CROCC2: variants seen among roughly 807,000 people sequenced by gnomAD.
The protein encoded by CROCC2 is ciliary rootlet coiled-coil, rootletin family member 2.
CROCC2 carries 163 observed loss-of-function variants against 177.6 expected under a neutral mutation model. The ratio of observed to expected loss-of-function variants is 0.92; its 90% CI spans 0.81 to 1.05. The LOEUF is 1.05. CROCC2 is among the 50% of genes least tolerant of loss of function. The probability of loss-of-function intolerance (pLI) is 0.00; values close to 1 mark genes in which losing one functional copy is unlikely to be tolerated. For missense variants in CROCC2, 1,929 were observed against 1,797.8 expected (o/e 1.07, Z -1.32); for synonymous variants, 904 against 787.3 (o/e 1.15, Z -2.48).
chr2:240,958,054 C>A lies in CROCC2; in HGVS notation c.2944-1247C>A, dbSNP rs1424810405. ...CTCGGTACCAGGCCTGCCAGCCAGC[C>A]GGCCTTCCTGGGGAGCTCGTTAAGG... On this transcript the variant is annotated intron_variant, in intron 19 of 31. Coordinates refer to ENST00000690015, the MANE Select transcript of CROCC2 (RefSeq NM_001351305.2). This position sits in a 1 kb window ranked among gnomAD's most constrained non-coding sequence, Gnocchi z 6.7. The A allele has an allele frequency of 1.0e-6, 1 of 985,246 alleles. No homozygotes were observed. Among genetic ancestry groups the A allele is most frequent in the African/African-American group, 1.7e-5 (1 of 57,230 alleles). 61.0% of individuals were successfully genotyped at this position (985,246 alleles called of 1,614,324 possible). A position where few individuals can be genotyped will look rare whatever the true frequency, so the allele number is the denominator to read the frequency against.
At chr2:240,939,527 C>T (rs2106464953) in intron 14 of CROCC2, among the ~76,000 whole-genome samples, 1 of 152,116 alleles carries the variant, frequency 6.6e-6, no homozygotes, top group African/African-American at 2.4e-5. Context: ...GTCTCTCTTC[C>T]TCTGTTTCCT....
intron 22 of CROCC2, 146 bp downstream of exon 22, chr2:240,964,771 G>C: frequency 9.6e-7 from 1 of 1,042,710 alleles, no homozygotes; most frequent in Non-Finnish European, 1.4e-6. Flanking sequence ...CCCTGCTCAG[G>C]CTCACAGGGT....
At position 240,923,269 on chromosome 2, in the gene CROCC2, C is replaced by T. The variant is rs868024996; in HGVS notation, c.488+624C>T. ...GAGAGTGGCGGAGAGGGACAGAGCC[C>T]CCCCCGCCACCGCTGTCAGTGAGCA... is the stretch of plus-strand genomic sequence containing the variant. On this transcript the variant is annotated intron_variant, in intron 4 of 31. Transcript: ENST00000690015. Among the ~76,000 whole-genome samples the T allele has an allele frequency of 5.2e-3, 793 of 151,886 alleles. 5 individuals are homozygous for T. The highest frequency in any genetic ancestry group is 0.018 in the African/African-American group (742 of 41,388).
intron 14 of CROCC2, 53 bp downstream of exon 14, chr2:240,935,641 A>T: frequency 7.6e-7 from 1 of 1,315,890 alleles, no homozygotes; most frequent in Non-Finnish European, 9.9e-7. Flanking sequence ...GCTGGGTGGC[A>T]GGTCTTGCCT....
At position 240,948,958 on chromosome 2, in the gene CROCC2, T is replaced by C. The variant is rs983413383; in HGVS notation, c.2364-21T>C. The C allele has an allele frequency of 1.9e-5, 30 of 1,549,914 alleles. No homozygotes were observed. The East Asian group carries it at 5.4e-4, about 28-fold the overall frequency. On this transcript the variant is annotated intron_variant, in intron 15 of 31. Transcript: ENST00000690015. ...CAGGATCTTGGGGATGACTTGCCCA[T>C]TGTTTGCTGCATCTTTGCAGGGTGG... is the stretch of plus-strand genomic sequence containing the variant.
chr2:240,963,426 A>T, intron 20 of CROCC2, 130 bp from the exon 21 acceptor site: 1 of 971,426 alleles, frequency 1.0e-6, no homozygotes, highest in Non-Finnish European at 1.5e-6. Flanking sequence ...TGGGGTGAGC[A>T]AAGCGCATGG....
Position 240,925,836 on chromosome 2 carries a change from C to A in CROCC2, c.601C>A (p.Arg201Ser). 1.4e-6 allele frequency: 1 copy of A among 716,098 alleles called. No homozygotes were observed. The highest frequency in any genetic ancestry group is 2.6e-6 in the Non-Finnish European group (1 of 384,794). The allele number at this position is 716,098 out of a possible 1,614,324, so 44.4% of individuals were successfully genotyped here. A position where few individuals can be genotyped will look rare whatever the true frequency, so the allele number is the denominator to read the frequency against. Residue 201 changes from arginine to serine, a missense_variant, in exon 5 of 32, where the codon CGC becomes AGC. Physicochemically the swap from Arg to Ser is moderately radical, Grantham distance 110. This residue lies in a region of CROCC2 where 1,397 missense variants were observed against 1,239.9 expected (regional missense o/e 1.13). Coordinates refer to ENST00000690015, the MANE Select transcript of CROCC2 (RefSeq NM_001351305.2). ...ELAGMTGSVQ[R>S]LQGELELRRW... ...GGCCGGGATGACGGGCAGCGTGCAG[C>A]GCCTGCAGGGCGAGCTGGAGCTGAG...
At position 240,932,825 on chromosome 2, in the gene CROCC2, C is replaced by T. The variant is rs2059442524; in HGVS notation, c.1168C>T (p.Pro390Ser). 1 of 1,542,890 alleles carries T rather than the reference C, an allele frequency of 6.5e-7. No individual in the cohort carries two copies. Among genetic ancestry groups the T allele is most frequent in the Non-Finnish European group, 8.8e-7 (1 of 1,142,486 alleles). The change falls in exon 9 of 32, where the codon CCA (proline) becomes TCA (serine). Residue 390 changes from proline to serine, a missense_variant. This residue lies in a region of CROCC2 where 1,397 missense variants were observed against 1,239.9 expected (regional missense o/e 1.13). Transcript: ENST00000690015. ...ATSPHQGASP[P>S]HICSPATLDP... is the part of the protein sequence containing the mutation. Reference sequence around the variant, plus strand: ...ATCCCCCCATCAAGGGGCGTCCCCACCACACATCTGCTCCCCAGCCACCCT... The same window carrying T: ...ATCCCCCCATCAAGGGGCGTCCCCATCACACATCTGCTCCCCAGCCACCCT...
chr2:240,952,950 G>A (rs2059565911), intron 18 of CROCC2, among the ~76,000 whole-genome samples: 1 of 152,092 alleles, frequency 6.6e-6, no homozygotes, highest in Non-Finnish European at 1.5e-5. Flanking sequence ...GAGAAAAGAG[G>A]CTCCAGGGGA....
chr2:240,975,734 T>G (rs1301112963), intron 27 of CROCC2, among the ~76,000 whole-genome samples: 33 of 144,830 alleles, frequency 2.3e-4, no homozygotes, highest in African/African-American at 8.4e-4. Context: ...TTTTTTTTTT[T>G]TTTTTTTTTT....
At chr2:240,936,357 AC>A (rs2059470284) in intron 14 of CROCC2, among the ~76,000 whole-genome samples, 1 of 152,050 alleles carries the variant, frequency 6.6e-6, no homozygotes, top group Admixed American at 6.6e-5. Context: ...CCCGGCTCCC[AC>A]CCAGGTGACC....
chr2:240,933,929 T>C (rs1024170493), intron 11 of CROCC2, 77 bp downstream of exon 11: 16 of 1,446,698 alleles, frequency 1.1e-5, no homozygotes, highest in Non-Finnish European at 1.5e-5. Context: ...CCACTTGGCC[T>C]TGGGCCACGG....
At position 240,947,843 on chromosome 2, in the gene CROCC2, G is replaced by A. The variant is rs866007157; in HGVS notation, c.2364-1136G>A. 5.3e-5 allele frequency among the ~76,000 whole-genome samples: 8 copies of A among 152,234 alleles called. No homozygotes were observed. In the Middle Eastern group the frequency reaches 0.014, roughly 259 times the overall value. On this transcript the variant is annotated intron_variant, in intron 15 of 31. Transcript: ENST00000690015. ...TCCCCGCCAGCCCACACCCCAAGCA[G>A]CCCTGCCTTGCTCAGAGCACCCCGT... is the stretch of plus-strand genomic sequence containing the variant.
chr2:240,907,169 C>T (rs2059260738), intron 1 of CROCC2, among the ~76,000 whole-genome samples: 1 of 152,154 alleles, frequency 6.6e-6, no homozygotes, highest in South Asian at 2.1e-4. Context: ...GTGTTTCCAT[C>T]GCTGCACATT....
At chr2:240,912,779 C>T (rs151173072) in intron 1 of CROCC2, among the ~76,000 whole-genome samples, 157 of 152,318 alleles carry the variant, frequency 1.0e-3, no homozygotes, top group African/African-American at 3.7e-3. Flanking sequence ...CTAATCGTGC[C>T]GTGGTCTTTC....
intron 5 of CROCC2, among the ~76,000 whole-genome samples, chr2:240,927,286 T>A (rs2059401193): frequency 6.6e-6 from 1 of 152,180 alleles, no homozygotes; most frequent in African/African-American, 2.4e-5. Context: ...TAGATTTATT[T>A]GTTTATCCCG....
At chr2:240,910,543 G>C (rs1426844917) in intron 1 of CROCC2, among the ~76,000 whole-genome samples, 1 of 152,114 alleles carries the variant, frequency 6.6e-6, no homozygotes, top group Non-Finnish European at 1.5e-5. Context: ...TTTGCTGAGG[G>C]GCTCGAGACA....
intron 11 of CROCC2, among the ~76,000 whole-genome samples, chr2:240,934,128 C>G (rs539933217): frequency 6.6e-6 from 1 of 152,114 alleles, no homozygotes; most frequent in African/African-American, 2.4e-5. Flanking sequence ...CCCGTCCCCC[C>G]GGAGGCACTT....
At position 240,982,792 on chromosome 2, in the gene CROCC2, C is replaced by A; in HGVS notation, c.4402-88C>A. The A allele has an allele frequency of 8.3e-7, 1 of 1,201,226 alleles. No individual in the cohort carries two copies. The highest frequency in any genetic ancestry group is 1.5e-5 in the African/African-American group (1 of 65,568). 74.4% of individuals were successfully genotyped at this position (1,201,226 alleles called of 1,614,324 possible). A position where few individuals can be genotyped will look rare whatever the true frequency, so the allele number is the denominator to read the frequency against. On this transcript the variant is annotated intron_variant, in intron 27 of 31. Transcript: ENST00000690015. This position sits in a 1 kb window ranked among gnomAD's most constrained non-coding sequence, Gnocchi z 4.7. The stretch of plus-strand genomic sequence containing the variant: ...CAGCGATACGGTCCTGCCAGACGGT[C>A]TAGGCAGATGCCCTGAGGCCAGGGT...
Sources: gnomAD v4.1 joint callset for allele counts (sites outside exome capture counted in the v4.1 genomes callset) on GRCh38, gnomAD v4.1.1 for gene constraint, gnomAD v4.1.1 regional missense constraint, Gnocchi (gnomAD v3.1) non-coding constraint, MANE v1.5 for transcripts, NCBI Gene and HGNC (gene_info 2026-07-23, HGNC 2026-07-21) for gene names.